The following TEK variants were observed in gnomAD, a reference collection of about 807,000 sequenced individuals.
TEK encodes TEK receptor tyrosine kinase, also known as angiopoietin-1 receptor.
TEK carries 43 observed loss-of-function variants against 131.8 expected under a neutral mutation model. That is an observed-to-expected ratio of 0.33 (90% CI 0.26 to 0.42). The LOEUF (loss-of-function observed/expected upper bound fraction) is 0.42, where lower values mean the gene tolerates loss of function less well. Ranked by LOEUF, TEK falls within the 10% of genes least tolerant of loss-of-function variation. The pLI is 1.00. For missense variants in TEK, 1,162 were observed against 1,384.4 expected (o/e 0.84, Z 2.55); for synonymous variants, 580 against 491.6 (o/e 1.18, Z -2.38).
In TEK at chr9:27,192,531, C is replaced by G. The variant is rs769580471; in HGVS notation, c.1532C>G (p.Thr511Arg). The change falls in exon 11 of 23, where the codon ACA becomes AGA. Residue 511 changes from threonine (T) to arginine (R), a missense_variant. By Grantham distance (71) the Thr-to-Arg change is moderately conservative. This residue lies in a region of TEK where 477 missense variants were observed against 471.0 expected (regional missense o/e 1.01). Transcript: ENST00000380036. ...IVTLNYLEPR[T>R]EYELCVQLVR... ...ACACTCAACTATTTGGAACCTCGGA[C>G]AGAATATGAACTCTGTGTGCAACTG... 10 of 1,613,834 alleles carry G rather than the reference C, an allele frequency of 6.2e-6. No individual in the cohort carries two copies. The highest frequency in any genetic ancestry group is 8.5e-6 in the Non-Finnish European group (10 of 1,179,942).
intron 21 of TEK, 122 bp downstream of exon 21, chr9:27,220,267 C>T (rs1307727057): frequency 3.7e-6 from 3 of 819,174 alleles, no homozygotes; most frequent in East Asian, 2.7e-5. Context: ...ACACAGAGAT[C>T]CCAAATAGGA....
chr9:27,170,120 G>A (rs1823894830), intron 4 of TEK, among the ~76,000 whole-genome samples: 1 of 152,042 alleles, frequency 6.6e-6, no homozygotes, highest in South Asian at 2.1e-4. Flanking sequence ...AAGGAGAGGG[G>A]GAAGCACCAT....
At chr9:27,199,273 C>A (rs1196083417) in intron 12 of TEK, among the ~76,000 whole-genome samples, 1 of 152,224 alleles carries the variant, frequency 6.6e-6, no homozygotes, top group Non-Finnish European at 1.5e-5. Flanking sequence ...CATTCATCCT[C>A]TCCCTTTTAG....
intron 9 of TEK, 49 bp from the exon 10 acceptor site, chr9:27,190,480 C>G: frequency 6.2e-7 from 1 of 1,611,704 alleles, no homozygotes; most frequent in Non-Finnish European, 8.5e-7. Context: ...AGAACAATCA[C>G]AAAACCTCAA....
intron 9 of TEK, among the ~76,000 whole-genome samples, chr9:27,187,308 C>T (rs2038569): frequency 6.6e-6 from 1 of 152,138 alleles, no homozygotes; most frequent in African/African-American, 2.4e-5. Flanking sequence ...TAATCAGCAT[C>T]TTTTATTATA....
At chr9:27,173,098 A>G in intron 5 of TEK, 124 bp from the exon 6 acceptor site, 1 of 1,313,846 alleles carries the variant, frequency 7.6e-7, no homozygotes, top group Non-Finnish European at 1.1e-6. Context: ...TCATCCTACC[A>G]TGCCACAGCT....
At chr9:27,124,336 G>A (rs1313563876) in intron 1 of TEK, among the ~76,000 whole-genome samples, 2 of 152,258 alleles carry the variant, frequency 1.3e-5, no homozygotes, top group Non-Finnish European at 1.5e-5. Flanking sequence ...AGCTGGGGCA[G>A]CTCTGCTCCT....
chr9:27,116,341 T>C (rs570866538), intron 1 of TEK, among the ~76,000 whole-genome samples: 1 of 151,932 alleles, frequency 6.6e-6, no homozygotes, highest in Non-Finnish European at 1.5e-5. Context: ...CAGGCTGGAG[T>C]GCAGTGGCAC....
intron 1 of TEK, among the ~76,000 whole-genome samples, chr9:27,137,800 T>C (rs1284497144): frequency 6.6e-6 from 1 of 152,268 alleles, no homozygotes; most frequent in South Asian, 2.1e-4. Flanking sequence ...TTTAGTTAGG[T>C]TTATTTTTTC....
intron 1 of TEK, among the ~76,000 whole-genome samples, chr9:27,147,758 A>G (rs564764817): frequency 2.0e-5 from 3 of 152,306 alleles, no homozygotes. Flanking sequence ...TTTTGTATAC[A>G]TGGGTGGTTT....
At chr9:27,137,170 G>A (rs1024862359) in intron 1 of TEK, among the ~76,000 whole-genome samples, 1 of 152,026 alleles carries the variant, frequency 6.6e-6, no homozygotes, top group Non-Finnish European at 1.5e-5. Context: ...CACCCGCCTC[G>A]GCCTCCCAAA....
chr9:27,144,137 C>A (rs1017663567), intron 1 of TEK, among the ~76,000 whole-genome samples: 2 of 152,138 alleles, frequency 1.3e-5, no homozygotes, highest in Non-Finnish European at 2.9e-5. Flanking sequence ...CAAAAATTAG[C>A]TGGGCGTGGT....
chr9:27,140,939 T>G (rs1038644984), intron 1 of TEK, among the ~76,000 whole-genome samples: 1 of 152,082 alleles, frequency 6.6e-6, no homozygotes, highest in Non-Finnish European at 1.5e-5. Context: ...GTATTATTTT[T>G]GCTTTCTTTT....
Position 27,228,310 on chromosome 9 carries a change from G to A in TEK, c.3300+5G>A. ...AGAATGTTAGAGGAGCGAAAGGTAA[G>A]TATTAAAGTCAGGCAGGAGATCTTT... On this transcript the variant is annotated splice_donor_5th_base_variant and intron_variant, in intron 22 of 22. Transcript: ENST00000380036. The A allele has an allele frequency of 6.2e-7, 1 of 1,608,338 alleles. No individual in the cohort carries two copies. The highest frequency in any genetic ancestry group is 8.5e-7 in the Non-Finnish European group (1 of 1,175,156).
At chr9:27,168,724 G>T (rs1470313507) in intron 3 of TEK, 119 bp downstream of exon 3, 2 of 782,318 alleles carry the variant, frequency 2.6e-6, no homozygotes, top group South Asian at 1.5e-5. Flanking sequence ...AAGCTGCTAT[G>T]ATGCAAGCTT....
At chr9:27,168,693 T>C in intron 3 of TEK, 88 bp downstream of exon 3, 1 of 1,016,304 alleles carries the variant, frequency 9.8e-7, no homozygotes, top group Non-Finnish European at 1.5e-6. Flanking sequence ...ATTGTGGTCT[T>C]GTGGGCAGAT....
chr9:27,169,426 G>C, intron 3 of TEK, 51 bp from the exon 4 acceptor site: 2 of 1,610,700 alleles, frequency 1.2e-6, no homozygotes, highest in East Asian at 4.5e-5. Context: ...AGACAAGGAA[G>C]CAGGTATGTT....
In TEK at chr9:27,192,478, T is replaced by C; in HGVS notation, c.1490-11T>C. 1 of 1,613,886 alleles carries C rather than the reference T, an allele frequency of 6.2e-7. No individual in the cohort carries two copies. Among genetic ancestry groups the C allele is most frequent in the Non-Finnish European group, 8.5e-7 (1 of 1,179,860 alleles). Reference sequence around the variant, plus strand: ...GCCAACTTAAGTTTCCTGGACGTTTTCTCTTCTCAGTGACAAATGAGATTG... The same window carrying C: ...GCCAACTTAAGTTTCCTGGACGTTTCCTCTTCTCAGTGACAAATGAGATTG... On this transcript the variant is annotated splice_polypyrimidine_tract_variant and intron_variant, in intron 10 of 22. Transcript: ENST00000380036.
chr9:27,205,033 C>G lies in TEK; in HGVS notation c.2332C>G (p.Gln778Glu), dbSNP rs1825354317. Residue 778 changes from glutamine (Q) to glutamate (E), a missense_variant, in exon 14 of 23, where the codon CAA becomes GAA. Transcript: ENST00000380036. ...IILQLKRANV[Q>E]RRMAQAFQNV... The stretch of plus-strand genomic sequence containing the variant: ...ATTGCAATTGAAGAGGGCAAATGTG[C>G]AAAGGAGAATGGCCCAAGCCTTCCA... 1 of 1,613,906 alleles carries G rather than the reference C, an allele frequency of 6.2e-7. No homozygotes were observed. The highest frequency in any genetic ancestry group is 8.5e-7 in the Non-Finnish European group (1 of 1,179,934).
Sources: gnomAD v4.1 joint callset for allele counts (sites outside exome capture counted in the v4.1 genomes callset) on GRCh38, gnomAD v4.1.1 for gene constraint, gnomAD v4.1.1 regional missense constraint, MANE v1.5 for transcripts, NCBI Gene and HGNC (gene_info 2026-07-23, HGNC 2026-07-21) for gene names.